PRLR: variants seen among roughly 807,000 people sequenced by gnomAD.
PRLR encodes the protein prolactin receptor, also known as hPRL receptor.
In PRLR, 13 loss-of-function variants were observed where a neutral mutation model predicts 40.2. The observed-to-expected ratio is 0.32, with a 90% CI of 0.21 to 0.51. The LOEUF (loss-of-function observed/expected upper bound fraction) is 0.51. PRLR is among the 20% of genes least tolerant of loss of function. The pLI is 0.97. For synonymous variants in PRLR, 269 were observed against 278.7 expected (o/e 0.97, Z 0.35); for missense variants, 656 against 747.3 (o/e 0.88, Z 1.42).
intron 5 of PRLR, among the ~76,000 whole-genome samples, chr5:35,080,449 G>A (rs984508838): frequency 8.5e-5 from 13 of 152,244 alleles, no homozygotes; most frequent in African/African-American, 2.2e-4. Context: ...AATGCTCATC[G>A]TCACTGGCCA....
chr5:35,086,976 C>T (rs1770895113), intron 3 of PRLR, among the ~76,000 whole-genome samples: 1 of 151,880 alleles, frequency 6.6e-6, no homozygotes, highest in Non-Finnish European at 1.5e-5. Flanking sequence ...TTCTCCTTTC[C>T]TTCCCCTTTC....
intron 2 of PRLR, among the ~76,000 whole-genome samples, chr5:35,113,755 G>A (rs72734543): frequency 0.051 from 7,783 of 152,284 alleles, 448 homozygotes; most frequent in East Asian, 0.18. Flanking sequence ...GGTACCATGA[G>A]AACCCATAGC....
chr5:35,093,515 T>C (rs976338191), intron 2 of PRLR, among the ~76,000 whole-genome samples: 4 of 152,168 alleles, frequency 2.6e-5, no homozygotes, highest in Non-Finnish European at 5.9e-5. Context: ...GCTGCAACCT[T>C]CTACTCAGGT....
chr5:35,109,420 G>A (rs1772497564), intron 2 of PRLR, among the ~76,000 whole-genome samples: 1 of 152,126 alleles, frequency 6.6e-6, no homozygotes, highest in African/African-American at 2.4e-5. Context: ...CACCATCAGA[G>A]CGAACTGGCA....
At chr5:35,115,777 A>C (rs1772979620) in intron 2 of PRLR, among the ~76,000 whole-genome samples, 1 of 152,072 alleles carries the variant, frequency 6.6e-6, no homozygotes, top group Admixed American at 6.6e-5. Context: ...GATGATTACC[A>C]CTGGGACAGG....
chr5:35,228,368 G>A (rs886596461), intron 1 of PRLR, among the ~76,000 whole-genome samples: 2 of 152,138 alleles, frequency 1.3e-5, no homozygotes, highest in South Asian at 4.1e-4. Flanking sequence ...AAAGCCCTGT[G>A]TGTTTTCTGA....
intron 2 of PRLR, 32 bp downstream of exon 2, chr5:35,118,029 G>A: frequency 1.0e-6 from 1 of 970,606 alleles, no homozygotes; most frequent in Non-Finnish European, 1.2e-6. Context: ...TGGGTGGTGT[G>A]ACCGAGGGGC....
At chr5:35,141,836 C>T (rs748757361) in intron 1 of PRLR, among the ~76,000 whole-genome samples, 11 of 152,156 alleles carry the variant, frequency 7.2e-5, no homozygotes, top group Non-Finnish European at 1.0e-4. Flanking sequence ...GGATGCCATG[C>T]CCCTGGACCA....
At chr5:35,080,729 A>G (rs1414924517) in intron 5 of PRLR, among the ~76,000 whole-genome samples, 1 of 152,156 alleles carries the variant, frequency 6.6e-6, no homozygotes, top group African/African-American at 2.4e-5. Context: ...GCTGCCATAA[A>G]GACACATGCA....
At chr5:35,167,654 A>G (rs1030356302) in intron 1 of PRLR, among the ~76,000 whole-genome samples, 7 of 152,070 alleles carry the variant, frequency 4.6e-5, no homozygotes, top group African/African-American at 1.7e-4. Flanking sequence ...TAATATATGT[A>G]GAATTAAAAC....
At chr5:35,108,841 T>C (rs1772451548) in intron 2 of PRLR, among the ~76,000 whole-genome samples, 1 of 152,230 alleles carries the variant, frequency 6.6e-6, no homozygotes, top group Non-Finnish European at 1.5e-5. Context: ...CCAATGACTT[T>C]CTTCACAGAA....
chr5:35,104,052 A>G (rs1240788881), intron 2 of PRLR, among the ~76,000 whole-genome samples: 1 of 152,110 alleles, frequency 6.6e-6, no homozygotes, highest in African/African-American at 2.4e-5. Context: ...GTTCACTTTT[A>G]TATCCCGTAC....
intron 1 of PRLR, among the ~76,000 whole-genome samples, chr5:35,206,226 T>C (rs1203492726): frequency 6.6e-6 from 1 of 152,090 alleles, no homozygotes; most frequent in African/African-American, 2.4e-5. Context: ...ACTGACACTA[T>C]AGTAAACAGA....
chr5:35,209,753 A>G (rs576797179), intron 1 of PRLR, among the ~76,000 whole-genome samples: 1 of 152,348 alleles, frequency 6.6e-6, no homozygotes, highest in South Asian at 2.1e-4. Flanking sequence ...TCACTGTGCC[A>G]TGATGGTATA....
Position 35,084,560 on chromosome 5 carries a change from T to C in PRLR, c.283A>G (p.Met95Val), listed in dbSNP as rs534781438. 4.6e-5 allele frequency: 74 copies of C among 1,608,020 alleles called. No homozygotes were observed. The Middle Eastern group carries it at 8.3e-4, about 18-fold the overall frequency. ...ACCATCATGATGTATGTCCTCCACA[T>C]GGAGGTGTACTGCTTGCCAAAGTGG... ...SCHFGKQYTS[M>V]WRTYIMMVNA... The change falls in exon 5 of 10, where the codon ATG (methionine) becomes GTG (valine). Residue 95 changes from methionine (M) to valine (V), a missense_variant. By Grantham distance (21) the Met-to-Val change is conservative (BLOSUM62 1). Coordinates refer to ENST00000618457, the MANE Select transcript of PRLR (RefSeq NM_000949.7).
chr5:35,188,419 C>T (rs1042962586), intron 1 of PRLR, among the ~76,000 whole-genome samples: 7 of 152,234 alleles, frequency 4.6e-5, no homozygotes, highest in Non-Finnish European at 8.8e-5. Flanking sequence ...GTCTCCAAAG[C>T]TTAGCGTGAA....
At chr5:35,050,916 G>A (rs1246994093), downstream of PRLR, among the ~76,000 whole-genome samples, 1 of 152,214 alleles carries the variant, frequency 6.6e-6, no homozygotes, top group Non-Finnish European at 1.5e-5. Flanking sequence ...AATGGATTAT[G>A]AAGAATGCTG....
At chr5:35,131,780 A>G (rs549928322) in intron 1 of PRLR, among the ~76,000 whole-genome samples, 7 of 152,172 alleles carry the variant, frequency 4.6e-5, no homozygotes, top group Non-Finnish European at 1.0e-4. Flanking sequence ...AGCACCTACC[A>G]TACAAGCATC....
chr5:35,127,786 G>T lies in PRLR; in HGVS notation c.-105-9664C>A, dbSNP rs555800300. Among the ~76,000 whole-genome samples the T allele has an allele frequency of 1.1e-3, 163 of 152,296 alleles. 2 individuals are homozygous for T. The highest frequency in any genetic ancestry group is 1.3e-3 in the Non-Finnish European group (90 of 68,024). On this transcript the variant is annotated intron_variant, in intron 1 of 9. Transcript: ENST00000618457. ...CCAGATAGCATGATTCCATTTACGT[G>T]AAATGTCTAGAAAGCTAATCTATGG...
Sources: allele counts gnomAD v4.1 joint callset (sites outside exome capture counted in the v4.1 genomes callset), GRCh38; gene constraint gnomAD v4.1.1; transcripts MANE v1.5; gene names NCBI Gene and HGNC (gene_info 2026-07-23, HGNC 2026-07-21).